SENP7: variants seen among roughly 807,000 people sequenced by gnomAD.
SENP7 encodes the protein sentrin-specific protease 7.
SENP7 carries 64 observed loss-of-function variants against 141.2 expected under a neutral mutation model. The observed-to-expected ratio is 0.45, with a 90% CI of 0.37 to 0.56. The LOEUF (loss-of-function observed/expected upper bound fraction) is 0.56. Among genes scored for constraint, SENP7 ranks in the 20% least tolerant of loss-of-function variants. The probability of loss-of-function intolerance (pLI) is 0.00; values close to 1 mark genes in which losing one functional copy is unlikely to be tolerated. For synonymous variants in SENP7, 382 were observed against 426.4 expected, an observed-to-expected ratio of 0.90 and a Z score of 1.28; for missense variants, 1,025 against 1,212.2, an observed-to-expected ratio of 0.85 and a Z score of 2.29.
At chr3:101,438,484 A>T (rs1411665797) in intron 4 of SENP7, among the ~76,000 whole-genome samples, 1 of 152,188 alleles carries the variant, frequency 6.6e-6, no homozygotes, top group African/African-American at 2.4e-5. Context: ...AGTATTATGG[A>T]GATTGATGAT....
At chr3:101,433,617 C>T (rs2107729263) in intron 4 of SENP7, among the ~76,000 whole-genome samples, 1 of 152,170 alleles carries the variant, frequency 6.6e-6, no homozygotes, top group East Asian at 1.9e-4. Flanking sequence ...ACAGGAGTCA[C>T]TATACTTCTA....
intron 6 of SENP7, among the ~76,000 whole-genome samples, chr3:101,380,442 C>CT (rs912899502): frequency 9.4e-6 from 1 of 106,242 alleles, no homozygotes; most frequent in African/African-American, 3.1e-5. Flanking sequence ...ACCGCCCCCC[C>CT]CCCCACACAC....
intron 2 of SENP7, 27 bp downstream of exon 2, chr3:101,501,036 AAGATAAT>A: frequency 3.5e-6 from 5 of 1,437,100 alleles, no homozygotes; most frequent in Non-Finnish European, 4.8e-6. Flanking sequence ...AGTAACTCCA[AAGATAAT>A]AGGTTAAAAG....
chr3:101,348,021 T>A lies in SENP7; in HGVS notation c.1688A>T (p.Asp563Val), dbSNP rs748215250. 1.3e-6 allele frequency: 2 copies of A among 1,599,358 alleles called. No homozygotes were observed. The highest frequency in any genetic ancestry group is 8.5e-7 in the Non-Finnish European group (1 of 1,174,650). ...CCCAAACCGCTTTAAATGTGTGGTA[T>A]CCACTAGCAATGAAATCTCATTCAG... ...VSLNEISLLV[D>V]TTHLKRFGLW... Residue 563 changes from aspartate (D) to valine (V), a missense_variant, in exon 13 of 24, where the codon GAT becomes GTT. Transcript: ENST00000394095.
chr3:101,467,653 T>C (rs990162921), intron 3 of SENP7, among the ~76,000 whole-genome samples: 1 of 152,102 alleles, frequency 6.6e-6, no homozygotes, highest in Non-Finnish European at 1.5e-5. Flanking sequence ...CAGAGAGGAA[T>C]AGCATCAACA....
chr3:101,455,603 G>A (rs4683910), intron 4 of SENP7, among the ~76,000 whole-genome samples: 60,280 of 151,784 alleles, frequency 0.4, 12,483 homozygotes, highest in Admixed American at 0.54. Context: ...CATTGATAGT[G>A]AAAATGAGAT....
intron 3 of SENP7, among the ~76,000 whole-genome samples, chr3:101,473,568 C>CGGTTGTTAT (rs1248465107): frequency 6.6e-6 from 1 of 152,086 alleles, no homozygotes; most frequent in Non-Finnish European, 1.5e-5. Context: ...CCCCTTGGCC[C>CGGTTGTTAT]ACTTTATAAT....
chr3:101,425,359 C>T (rs1015658894), intron 4 of SENP7, among the ~76,000 whole-genome samples: 7 of 152,150 alleles, frequency 4.6e-5, no homozygotes, highest in African/African-American at 1.7e-4. Flanking sequence ...TGATACAAGT[C>T]CCACAGAGTT....
intron 6 of SENP7, among the ~76,000 whole-genome samples, chr3:101,380,476 A>G (rs2060471715): frequency 6.6e-6 from 1 of 150,508 alleles, no homozygotes; most frequent in Non-Finnish European, 1.5e-5. Flanking sequence ...AACATAACTA[A>G]TTTTTAAAAT....
At chr3:101,380,452 C>CACACAT (rs2060470361) in intron 6 of SENP7, among the ~76,000 whole-genome samples, 1 of 140,420 alleles carries the variant, frequency 7.1e-6, no homozygotes, top group South Asian at 2.3e-4. Context: ...CCCCCACACA[C>CACACAT]ACACACAAAA....
chr3:101,341,135 C>T (rs1405603780), intron 15 of SENP7, among the ~76,000 whole-genome samples: 1 of 152,024 alleles, frequency 6.6e-6, no homozygotes, highest in Non-Finnish European at 1.5e-5. Context: ...TTTTTCAAAA[C>T]AAAGAAATAG....
intron 10 of SENP7, 123 bp from the exon 11 acceptor site, chr3:101,361,984 T>C: frequency 9.7e-7 from 1 of 1,028,050 alleles, no homozygotes; most frequent in South Asian, 2.2e-5. Context: ...AACTTTATAC[T>C]GTTCTTACTG....
At chr3:101,378,008 A>G (rs1317141457) in intron 6 of SENP7, among the ~76,000 whole-genome samples, 1 of 152,192 alleles carries the variant, frequency 6.6e-6, no homozygotes, top group African/African-American at 2.4e-5. Context: ...CTAGCGTTCC[A>G]GTAATAGAAC....
intron 4 of SENP7, among the ~76,000 whole-genome samples, chr3:101,441,874 C>G (rs2062688556): frequency 1.3e-5 from 2 of 152,140 alleles, no homozygotes; most frequent in African/African-American, 4.8e-5. Context: ...GCTGACGAGT[C>G]TGAAAATTTT....
chr3:101,478,097 T>C (rs974291140), intron 3 of SENP7, among the ~76,000 whole-genome samples: 1 of 151,984 alleles, frequency 6.6e-6, no homozygotes, highest in East Asian at 1.9e-4. Flanking sequence ...GAGACTACTA[T>C]GAACAACTAC....
intron 4 of SENP7, among the ~76,000 whole-genome samples, chr3:101,456,540 GA>G (rs2107863055): frequency 6.6e-6 from 1 of 152,002 alleles, no homozygotes; most frequent in East Asian, 1.9e-4. Flanking sequence ...ACTAACTCTG[GA>G]ACAGAAGTCA....
chr3:101,471,953 T>C (rs1576457036), intron 3 of SENP7, among the ~76,000 whole-genome samples: 1 of 152,226 alleles, frequency 6.6e-6, no homozygotes. Flanking sequence ...CACAATGAGA[T>C]ACCATCTCAC....
intron 1 of SENP7, among the ~76,000 whole-genome samples, chr3:101,504,264 C>G (rs2065501525): frequency 6.8e-6 from 1 of 147,762 alleles, no homozygotes; most frequent in Non-Finnish European, 1.5e-5. Flanking sequence ...CCAGCCTGGT[C>G]AACATGGGGA....
chr3:101,423,814 G>A (rs769468770), intron 4 of SENP7, among the ~76,000 whole-genome samples: 6 of 152,132 alleles, frequency 3.9e-5, no homozygotes, highest in Admixed American at 6.5e-5. Flanking sequence ...GAGTTGAACT[G>A]GCAAGGGGCA....
Sources: allele counts gnomAD v4.1 joint callset (sites outside exome capture counted in the v4.1 genomes callset), GRCh38; gene constraint gnomAD v4.1.1; transcripts MANE v1.5; gene names NCBI Gene and HGNC (gene_info 2026-07-23, HGNC 2026-07-21).